Variants in TEX11 observed in about 807,000 individuals in gnomAD.
The protein encoded by TEX11 is testis-expressed protein 11.
A neutral mutation model predicts 84.4 loss-of-function variants in TEX11; 7 were observed. The ratio of observed to expected loss-of-function variants is 0.08; its 90% CI spans 0.05 to 0.16. The LOEUF (loss-of-function observed/expected upper bound fraction) is 0.16, where lower values mean the gene tolerates loss of function less well. Ranked by LOEUF, TEX11 falls within the 10% of genes least tolerant of loss-of-function variation. TEX11 has a pLI of 1.00. For missense variants in TEX11, 551 were observed against 660.5 expected (o/e 0.83, Z 1.82); for synonymous variants, 264 against 222.8 (o/e 1.18, Z -1.64).
intron 2 of TEX11, among the ~76,000 whole-genome samples, chrX:70,886,299 A>G (rs1370635137): frequency 8.9e-6 from 1 of 112,128 alleles, no homozygotes; most frequent in Non-Finnish European, 1.9e-5. Flanking sequence ...GACAATATGG[A>G]TGAACCTTGA....
intron 11 of TEX11, among the ~76,000 whole-genome samples, chrX:70,731,474 C>T (rs1476696845): frequency 5.4e-5 from 6 of 111,129 alleles, no homozygotes; most frequent in Non-Finnish European, 1.1e-4. Context: ...AAGGGGATAT[C>T]ACCACTGATC....
At chrX:70,862,167 C>T (rs1423460315) in intron 4 of TEX11, among the ~76,000 whole-genome samples, 1 of 111,313 alleles carries the variant, frequency 9.0e-6, no homozygotes, top group African/African-American at 3.3e-5. Flanking sequence ...TAAACATATT[C>T]TTTTCTGTAG....
At chrX:70,732,715 G>C (rs2090663829) in intron 11 of TEX11, among the ~76,000 whole-genome samples, 1 of 110,812 alleles carries the variant, frequency 9.0e-6, no homozygotes, top group Admixed American at 9.7e-5. Flanking sequence ...TCATGAAAAT[G>C]GCCATACTGC....
chrX:70,681,644 ATC>A (rs1489235051), intron 14 of TEX11, among the ~76,000 whole-genome samples: 5 of 111,525 alleles, frequency 4.5e-5, no homozygotes, highest in Non-Finnish European at 9.4e-5. Context: ...AAAAATTTGA[ATC>A]TGTTTTATAA....
At chrX:70,625,760 TTTTC>T in intron 18 of TEX11, among the ~76,000 whole-genome samples, 1 of 84,527 alleles carries the variant, frequency 1.2e-5, no homozygotes, top group Non-Finnish European at 2.2e-5. Flanking sequence ...ATTTTTGGCA[TTTTC>T]TTTTTCTTTT....
chrX:70,581,955 C>T (rs771108842), intron 25 of TEX11, among the ~76,000 whole-genome samples: 12 of 111,497 alleles, frequency 1.1e-4, no homozygotes, highest in Non-Finnish European at 7.5e-5. Flanking sequence ...AGGACCTCTT[C>T]GTACTCTGAA....
chrX:70,542,814 G>C (rs1202990402), intron 28 of TEX11, among the ~76,000 whole-genome samples: 1 of 112,231 alleles, frequency 8.9e-6, no homozygotes, highest in Non-Finnish European at 1.9e-5. Context: ...TTGAAACAAA[G>C]GAGATGCACG....
chrX:70,519,249 A>C, the TEX11 span, among the ~76,000 whole-genome samples: 6 of 111,832 alleles, frequency 5.4e-5, no homozygotes, highest in East Asian at 1.7e-3. Flanking sequence ...AGTGGCTGGT[A>C]CGGGTTGTTC....
intron 8 of TEX11, among the ~76,000 whole-genome samples, chrX:70,808,514 AATT>A (rs1179004505): frequency 1.9e-5 from 2 of 107,491 alleles, no homozygotes; most frequent in African/African-American, 3.4e-5. Context: ...AAATAATAAT[AATT>A]ATTATTATTA....
chrX:70,835,175 A>G (rs1442601009), intron 7 of TEX11, among the ~76,000 whole-genome samples: 1 of 112,013 alleles, frequency 8.9e-6, no homozygotes, highest in Non-Finnish European at 1.9e-5. Flanking sequence ...CAAGGTGGAG[A>G]AAATCTTACT....
chrX:70,743,634 G>A lies in TEX11; in HGVS notation c.747+531C>T, dbSNP rs181356163. ...CTCACTCCTGTAATCCCAGCACTTT[G>A]AGAGGCCAAGGTGGGCAAATCACCT... On this transcript the variant is annotated intron_variant, in intron 10 of 29. Transcript: ENST00000374333. Among the ~76,000 whole-genome samples, 451 of 111,235 alleles carry A rather than the reference G, an allele frequency of 4.1e-3. 2 individuals carry two copies. The highest frequency in any genetic ancestry group is 0.014 in the African/African-American group (438 of 30,617).
intron 18 of TEX11, among the ~76,000 whole-genome samples, chrX:70,625,813 A>C (rs1603160452): frequency 2.1e-5 from 2 of 96,798 alleles, no homozygotes; most frequent in African/African-American, 3.8e-5. Flanking sequence ...TGCTCTTGTC[A>C]CCCAGGCTGA....
Position 70,710,281 on chromosome X carries a change from T to C in TEX11, c.1004+12337A>G, listed in dbSNP as rs928329940. On this transcript the variant is annotated intron_variant, in intron 13 of 29. Transcript: ENST00000374333. ...TAGGATAATAATATTAGATGTGATC[T>C]TTTTTGTTTTAAATTTTTCATTACA... is the stretch of plus-strand genomic sequence containing the variant. 2.7e-5 allele frequency among the ~76,000 whole-genome samples: 3 copies of C among 111,788 alleles called. No homozygotes were observed. In the East Asian group the frequency reaches 8.3e-4, roughly 31 times the overall value.
In TEX11 at chrX:70,529,007, A is replaced by T. The variant is rs752223035; in HGVS notation, c.*88T>A. On this transcript the variant is annotated 3_prime_UTR_variant, in exon 30 of 30. Coordinates refer to ENST00000374333, the MANE Select transcript of TEX11 (RefSeq NM_031276.3). ...ATGAAAACAGGGTCTGAGCAAACAG[A>T]AACAAAAGCTCAAGAGAAACTCTGG... The T allele has an allele frequency of 2.3e-5, 16 of 701,073 alleles. No homozygotes were observed. The highest frequency in any genetic ancestry group is 3.3e-5 in the Non-Finnish European group (15 of 456,072). 57.8% of individuals were successfully genotyped at this position (701,073 alleles called of 1,213,427 possible). A position where few individuals can be genotyped will look rare whatever the true frequency, so the allele number is the denominator to read the frequency against.
intron 9 of TEX11, among the ~76,000 whole-genome samples, chrX:70,749,789 A>T (rs1334482620): frequency 9.2e-6 from 1 of 108,171 alleles, no homozygotes; most frequent in African/African-American, 3.4e-5. Flanking sequence ...ATCATGGTGG[A>T]TAAGCTTTTT....
chrX:70,685,638 G>A (rs1172418960), intron 13 of TEX11, among the ~76,000 whole-genome samples: 1 of 111,885 alleles, frequency 8.9e-6, no homozygotes, highest in Non-Finnish European at 1.9e-5. Flanking sequence ...AAAAGCTTCT[G>A]CACTGCAAAG....
chrX:70,524,526 T>A, downstream of TEX11, among the ~76,000 whole-genome samples: 2 of 112,685 alleles, frequency 1.8e-5, no homozygotes, highest in South Asian at 7.3e-4. Flanking sequence ...GCAAGAGCAA[T>A]TTATTAGTGA....
At chrX:70,571,601 G>A (rs189239511) in intron 25 of TEX11, among the ~76,000 whole-genome samples, 155 of 111,631 alleles carry the variant, frequency 1.4e-3, no homozygotes, top group Non-Finnish European at 4.5e-4. Flanking sequence ...TGACTGATGG[G>A]TTATTTAGAA....
chrX:70,785,255 G>T (rs1292755343), intron 9 of TEX11, among the ~76,000 whole-genome samples: 1 of 111,897 alleles, frequency 8.9e-6, no homozygotes, highest in Non-Finnish European at 1.9e-5. Flanking sequence ...AATAGTGCTG[G>T]GAAAACTGGC....
Sources: allele counts gnomAD v4.1 joint callset (sites outside exome capture counted in the v4.1 genomes callset), GRCh38; gene constraint gnomAD v4.1.1; transcripts MANE v1.5; gene names NCBI Gene and HGNC (gene_info 2026-07-23, HGNC 2026-07-21).